Variants in DCLRE1C observed in about 807,000 individuals in gnomAD.
The protein encoded by DCLRE1C is protein artemis.
DCLRE1C carries 47 observed loss-of-function variants against 61.4 expected under a neutral mutation model. The ratio of observed to expected loss-of-function variants is 0.77; its 90% CI spans 0.61 to 0.98. The LOEUF (loss-of-function observed/expected upper bound fraction) is 0.98, where lower values mean the gene tolerates loss of function less well. Among genes scored for constraint, DCLRE1C ranks in the 50% least tolerant of loss-of-function variants. DCLRE1C has a pLI of 0.00. For synonymous variants in DCLRE1C, 337 were observed against 287.6 expected (o/e 1.17, Z -1.74); for missense variants, 858 against 816.0 (o/e 1.05, Z -0.63).
exon 14 of DCLRE1C, chr10:14,898,134 T>C (rs1479155615): frequency 6.7e-6 from 1 of 149,232 alleles, no homozygotes; most frequent in African/African-American, 2.5e-5. Flanking sequence ...GTGTGTCACA[T>C]ACTATTCTAA....
chr10:14,919,759 T>C lies in DCLRE1C; in HGVS notation c.1135A>G (p.Arg379Gly). The C allele has an allele frequency of 1.2e-6, 2 of 1,613,894 alleles. No homozygotes were observed. The highest frequency in any genetic ancestry group is 1.1e-5 in the South Asian group (1 of 91,078). The change falls in exon 13 of 14, where the codon AGA becomes GGA. Residue 379 changes from arginine to glycine, a missense_variant. Arg to Gly is a moderately radical substitution (Grantham distance 125, BLOSUM62 -2). Around this residue, in one of 2 missense-constraint regions of DCLRE1C, gnomAD observed 843 missense variants for 783.5 expected, o/e 1.08. Transcript: ENST00000378278. ...TTACCTGAGTCTCGGTGAACTGTTC[T>C]AGCTCTCTTCAGTTTTCCCAGTGGT... ...YKPLGKLKRA[R>G]TVHRDSEEED...
chr10:14,912,788 C>T (rs1252880773), intron 13 of DCLRE1C, among the ~76,000 whole-genome samples: 1 of 152,242 alleles, frequency 6.6e-6, no homozygotes, highest in African/African-American at 2.4e-5. Context: ...GGGTTCACGC[C>T]ATTCTGCCTC....
intron 1 of DCLRE1C, among the ~76,000 whole-genome samples, chr10:14,951,996 T>C (rs1842525994): frequency 6.6e-6 from 1 of 152,230 alleles, no homozygotes; most frequent in African/African-American, 2.4e-5. Context: ...GATGAGTTTA[T>C]GTCCTGGTTG....
chr10:14,909,462 C>G (rs1834881789), intron 13 of DCLRE1C, 132 bp from the exon 14 acceptor site: 1 of 777,690 alleles, frequency 1.3e-6, no homozygotes, highest in South Asian at 1.8e-5. Flanking sequence ...AAAAGATATT[C>G]TTGGGATATG....
chr10:14,938,156 G>A (rs972730211), intron 4 of DCLRE1C, among the ~76,000 whole-genome samples: 1 of 152,088 alleles, frequency 6.6e-6, no homozygotes, highest in African/African-American at 2.4e-5. Flanking sequence ...TAAAAGTCAT[G>A]GCACACAGGA....
At chr10:14,922,333 C>T (rs747916283) in intron 12 of DCLRE1C, among the ~76,000 whole-genome samples, 1 of 151,342 alleles carries the variant, frequency 6.6e-6, no homozygotes, top group African/African-American at 2.4e-5. Context: ...CACAGCTACT[C>T]GGGAGGCTGA....
chr10:14,936,491 A>G (rs578123761), intron 5 of DCLRE1C, 47 bp downstream of exon 5: 51 of 1,474,134 alleles, frequency 3.5e-5, no homozygotes, highest in Non-Finnish European at 4.2e-5. Context: ...TACAAATACA[A>G]TATGTGTCTA....
At chr10:14,921,960 G>A (rs1017795578) in intron 12 of DCLRE1C, among the ~76,000 whole-genome samples, 1 of 152,202 alleles carries the variant, frequency 6.6e-6, no homozygotes, top group Non-Finnish European at 1.5e-5. Context: ...GCCTGGTCCT[G>A]TCTGTCCCCA....
In DCLRE1C at chr10:14,949,064, G is replaced by A. The variant is rs1036466565; in HGVS notation, c.133C>T (p.Pro45Ser). 11 of 1,611,474 alleles carry A rather than the reference G, an allele frequency of 6.8e-6. No individual in the cohort carries two copies. Among genetic ancestry groups the A allele is most frequent in the Non-Finnish European group, 9.3e-6 (11 of 1,177,982 alleles). The stretch of plus-strand genomic sequence containing the variant: ...CACTCCAACCTTCTTTTCAAGGTAG[G>A]GGCTCTTAATCCTTTCATGTGATCT... ...HKDHMKGLRA[P>S]TLKRRLECSL... The change falls in exon 2 of 14, where the codon CCT (proline) becomes TCT (serine). Residue 45 changes from proline (P) to serine (S), a missense_variant. Pro to Ser is a moderately conservative substitution (Grantham distance 74). Around this residue, in one of 2 missense-constraint regions of DCLRE1C, gnomAD observed 843 missense variants for 783.5 expected, o/e 1.08. Transcript: ENST00000378278.
rs139103967 is a variant in DCLRE1C, at chr10:14,906,911, G to A, written c.*1497C>T. On this transcript the variant is annotated 3_prime_UTR_variant, in exon 14 of 14. Coordinates refer to ENST00000378278, the MANE Select transcript of DCLRE1C (RefSeq NM_001033855.3). ...TTTATTTTTCTTGAGATGGGGTCTT[G>A]CTTTGTTGCCCAGGCTGGGCACAAT... Among the ~76,000 whole-genome samples the A allele has an allele frequency of 2.6e-5, 4 of 152,034 alleles. No homozygotes were observed. Among genetic ancestry groups the A allele is most frequent in the Non-Finnish European group, 5.9e-5 (4 of 68,004 alleles).
chr10:14,925,408 G>A lies in DCLRE1C; in HGVS notation c.972+1435C>T, dbSNP rs533348534. On this transcript the variant is annotated intron_variant, in intron 11 of 13. Coordinates refer to ENST00000378278, the MANE Select transcript of DCLRE1C (RefSeq NM_001033855.3). The stretch of plus-strand genomic sequence containing the variant: ...TGCCTTAAAATAAGGCATCAATAGC[G>A]CCAATTCTCTTTATTCACAGTAGTT... 3.9e-5 allele frequency among the ~76,000 whole-genome samples: 6 copies of A among 151,974 alleles called. No homozygotes were observed. The South Asian group carries it at 6.3e-4, about 16-fold the overall frequency.
chr10:14,937,139 G>A (rs539983565), intron 4 of DCLRE1C, among the ~76,000 whole-genome samples: 7 of 152,110 alleles, frequency 4.6e-5, no homozygotes, highest in African/African-American at 9.7e-5. Flanking sequence ...AGTGGTTGCC[G>A]GGGGTTGGGG....
rs773500841 is a variant in DCLRE1C, at chr10:14,908,921, G to T, written c.1566C>A (p.Phe522Leu). 7.4e-6 allele frequency: 12 copies of T among 1,614,220 alleles called. No individual in the cohort carries two copies. In the South Asian group the frequency reaches 1.2e-4, roughly 16 times the overall value. ...GAGTTGATTCTCCATCAGAGTCACT[G>T]AAAAGCTTTGGTGACTGAGATCCCC... Reference protein sequence around the residue: ...VAGGSQSPKLFSDSDGESTHI... With the variant: ...VAGGSQSPKLLSDSDGESTHI... The change falls in exon 14 of 14, where the codon TTC (phenylalanine) becomes TTA (leucine). Residue 522 changes from phenylalanine (F) to leucine (L), a missense_variant. Physicochemically the swap from Phe to Leu is conservative, Grantham distance 22 (BLOSUM62 0). Around this residue, in one of 2 missense-constraint regions of DCLRE1C, gnomAD observed 843 missense variants for 783.5 expected, o/e 1.08. Coordinates refer to ENST00000378278, the MANE Select transcript of DCLRE1C (RefSeq NM_001033855.3).
At chr10:14,927,590 G>A (rs1410898819) in intron 10 of DCLRE1C, among the ~76,000 whole-genome samples, 1 of 129,426 alleles carries the variant, frequency 7.7e-6, no homozygotes, top group African/African-American at 3.1e-5. Flanking sequence ...GGAGAAAGGA[G>A]AGGGAGGGAA....
intron 2 of DCLRE1C, among the ~76,000 whole-genome samples, chr10:14,946,929 T>G (rs768485757): frequency 1.3e-5 from 2 of 152,096 alleles, no homozygotes; most frequent in African/African-American, 2.4e-5. Flanking sequence ...AAAGAGACTT[T>G]TAGAGATAGA....
In DCLRE1C at chr10:14,940,223, A is replaced by G. The variant is rs373803307; in HGVS notation, c.247-354T>C. ...TTGTAAAAACGTGGTCCTGTGTCCT[A>G]ACTTTTGTGCCTCAGAACACAGTCT... On this transcript the variant is annotated intron_variant, in intron 3 of 13. Coordinates refer to ENST00000378278, the MANE Select transcript of DCLRE1C (RefSeq NM_001033855.3). Among the ~76,000 whole-genome samples the G allele has an allele frequency of 8.6e-5, 13 of 151,488 alleles. No individual in the cohort carries two copies. In the East Asian group the frequency reaches 1.4e-3, roughly 16 times the overall value.
At position 14,939,805 on chromosome 10, in the gene DCLRE1C, G is replaced by A. The variant is rs764678947; in HGVS notation, c.306+5C>T. 11 of 1,583,808 alleles carry A rather than the reference G, an allele frequency of 6.9e-6. No homozygotes were observed. Among genetic ancestry groups the A allele is most frequent in the Admixed American group, 1.7e-5 (1 of 59,622 alleles). ...TAAAAAAATCAATATTTAATATTTA[G>A]TTACCTCTCCTGATGCTTCATCCAC... On this transcript the variant is annotated splice_donor_5th_base_variant and intron_variant, in intron 4 of 13. Transcript: ENST00000378278.
intron 1 of DCLRE1C, among the ~76,000 whole-genome samples, chr10:14,951,608 TG>T (rs1177322051): frequency 2.0e-5 from 3 of 152,050 alleles, no homozygotes; most frequent in Non-Finnish European, 4.4e-5. Context: ...TTCAGGAAGC[TG>T]GGAAGATCAA....
chr10:14,936,819 T>C (rs934712054), intron 4 of DCLRE1C, among the ~76,000 whole-genome samples: 1 of 152,122 alleles, frequency 6.6e-6, no homozygotes, highest in African/African-American at 2.4e-5. Context: ...AGAACCAAGA[T>C]AAGCGAAAAC....
Sources: allele counts gnomAD v4.1 joint callset (sites outside exome capture counted in the v4.1 genomes callset), GRCh38; gene constraint gnomAD v4.1.1; regional missense constraint gnomAD v4.1.1; transcripts MANE v1.5; gene names NCBI Gene and HGNC (gene_info 2026-07-23, HGNC 2026-07-21).